GALNT2: variants seen among roughly 807,000 people sequenced by gnomAD.
The protein encoded by GALNT2 is polypeptide N-acetylgalactosaminyltransferase 2, also known as UDP-GalNAc:polypeptide N-acetylgalactosaminyltransferase 2.
A neutral mutation model predicts 81.4 loss-of-function variants in GALNT2; 31 were observed. The ratio of observed to expected loss-of-function variants is 0.38; its 90% CI spans 0.29 to 0.51. The LOEUF is 0.51. Among genes scored for constraint, GALNT2 ranks in the 20% least tolerant of loss-of-function variants. The pLI is 0.87. For synonymous variants in GALNT2, 303 were observed against 287.4 expected (o/e 1.05, Z -0.55); for missense variants, 629 against 765.7 (o/e 0.82, Z 2.11).
intron 1 of GALNT2, among the ~76,000 whole-genome samples, chr1:230,149,642 C>T (rs2102833889): frequency 6.6e-6 from 1 of 152,226 alleles, no homozygotes; most frequent in South Asian, 2.1e-4. Flanking sequence ...CACAGTGTTA[C>T]CTAGGTGGGC....
In GALNT2 at chr1:230,275,490, TACAC is replaced by T. The variant is rs570786420; in HGVS notation, c.1560+935_1560+938del. ...TACAAACACCACATATATATACATATACACACACACACCACAGATACATACATAT... is the reference window on the plus strand; with the variant it reads ...TACAAACACCACATATATATACATATACACACACCACAGATACATACATAT... On this transcript the variant is annotated intron_variant, in intron 15 of 15. Coordinates refer to ENST00000366672, the MANE Select transcript of GALNT2 (RefSeq NM_004481.5). This position sits in a 1 kb window ranked among gnomAD's most constrained non-coding sequence, Gnocchi z 5.5. Among the ~76,000 whole-genome samples, 11 of 150,538 alleles carry T rather than the reference TACAC, an allele frequency of 7.3e-5. No homozygotes were observed. The highest frequency in any genetic ancestry group is 1.9e-4 in the East Asian group (1 of 5,166).
At position 230,279,571 on chromosome 1, in the gene GALNT2, T is replaced by G; in HGVS notation, c.*113T>G. 7.7e-7 allele frequency: 1 copy of G among 1,304,480 alleles called. No homozygotes were observed. The highest frequency in any genetic ancestry group is 1.0e-6 in the Non-Finnish European group (1 of 961,436). The allele number at this position is 1,304,480 out of a possible 1,614,324, so 80.8% of individuals were successfully genotyped here. The stretch of plus-strand genomic sequence containing the variant: ...CCGCGAAACTAATATACCTCAGTAT[T>G]CCATCATGGTCTGAAAGTCAAACTT... On this transcript the variant is annotated 3_prime_UTR_variant, in exon 16 of 16. Coordinates refer to ENST00000366672, the MANE Select transcript of GALNT2 (RefSeq NM_004481.5). This position sits in a 1 kb window ranked among gnomAD's most constrained non-coding sequence, Gnocchi z 4.6.
chr1:230,267,277 G>A (rs1666062262), intron 14 of GALNT2, among the ~76,000 whole-genome samples: 1 of 152,230 alleles, frequency 6.6e-6, no homozygotes, highest in African/African-American at 2.4e-5. Context: ...AAAGGGATTA[G>A]AAGGCAAACA....
intron 6 of GALNT2, among the ~76,000 whole-genome samples, chr1:230,242,259 GA>G (rs1412678019): frequency 6.6e-6 from 1 of 152,144 alleles, no homozygotes; most frequent in African/African-American, 2.4e-5. Flanking sequence ...ATTTTGCTCA[GA>G]GTTTATAATT....
chr1:230,076,905 T>A (rs1364080415), intron 1 of GALNT2, among the ~76,000 whole-genome samples: 5 of 152,312 alleles, frequency 3.3e-5, no homozygotes, highest in African/African-American at 1.2e-4. Context: ...CCTCTCTGCG[T>A]CAGAGACCAG....
chr1:230,236,304 T>C, intron 4 of GALNT2, 49 bp from the exon 5 acceptor site: 1 of 1,578,348 alleles, frequency 6.3e-7, no homozygotes, highest in Non-Finnish European at 8.7e-7. Context: ...AGGCTAAAAG[T>C]TTATACCCCT....
At chr1:230,181,346 T>C (rs776539094) in intron 2 of GALNT2, among the ~76,000 whole-genome samples, 1 of 151,700 alleles carries the variant, frequency 6.6e-6, no homozygotes, top group Non-Finnish European at 1.5e-5. Context: ...TCTATTGATA[T>C]GATCATGTGA....
chr1:230,200,062 C>CTTTTTTTTT (rs34212427), intron 2 of GALNT2, among the ~76,000 whole-genome samples: 15 of 113,506 alleles, frequency 1.3e-4, no homozygotes, highest in Non-Finnish European at 1.9e-4. Context: ...TCTTTTTTTT[C>CTTTTTTTTT]TTTTTTTTTT....
intron 14 of GALNT2, among the ~76,000 whole-genome samples, chr1:230,265,918 G>A (rs1261771664): frequency 2.0e-5 from 3 of 152,226 alleles, no homozygotes; most frequent in African/African-American, 2.4e-5. Context: ...ACCGCCAGGC[G>A]CCGTGGCGCA....
At chr1:230,123,917 C>A (rs1312498122) in intron 1 of GALNT2, among the ~76,000 whole-genome samples, 1 of 152,170 alleles carries the variant, frequency 6.6e-6, no homozygotes, top group Non-Finnish European at 1.5e-5. Flanking sequence ...TGTCAGGGGA[C>A]TCTAAAAATG....
At chr1:230,197,890 G>A (rs770729766) in intron 2 of GALNT2, among the ~76,000 whole-genome samples, 5 of 152,096 alleles carry the variant, frequency 3.3e-5, no homozygotes, top group African/African-American at 4.8e-5. Context: ...CTGTTCCCCC[G>A]TGCTCCAGCC....
intron 1 of GALNT2, among the ~76,000 whole-genome samples, chr1:230,131,009 T>A (rs559589558): frequency 2.6e-5 from 4 of 152,218 alleles, no homozygotes; most frequent in African/African-American, 9.6e-5. Context: ...ATAAAAATTT[T>A]AAAAATTTAA....
intron 14 of GALNT2, among the ~76,000 whole-genome samples, chr1:230,272,836 A>T (rs1666190377): frequency 6.6e-6 from 1 of 152,118 alleles, no homozygotes; most frequent in South Asian, 2.1e-4. Context: ...TGGCACAATC[A>T]CAGTTCACTG....
intron 3 of GALNT2, among the ~76,000 whole-genome samples, chr1:230,207,196 T>A (rs1337180553): frequency 6.6e-6 from 1 of 151,898 alleles, no homozygotes; most frequent in South Asian, 2.1e-4. Flanking sequence ...GAGTGCCCAA[T>A]AAATCATGCA....
chr1:230,081,573 C>G (rs1294416880), intron 1 of GALNT2, among the ~76,000 whole-genome samples: 4 of 152,144 alleles, frequency 2.6e-5, no homozygotes, highest in Non-Finnish European at 5.9e-5. Flanking sequence ...TTTGAAACTG[C>G]AGATGAGTGA....
intron 13 of GALNT2, chr1:230,264,018 G>C (rs1300814905): frequency 1.3e-5 from 2 of 152,244 alleles, no homozygotes; most frequent in Non-Finnish European, 2.9e-5. Context: ...GAGAACAGGA[G>C]AGAACACAGC....
chr1:230,132,370 G>C (rs994275353), intron 1 of GALNT2, among the ~76,000 whole-genome samples: 4 of 152,310 alleles, frequency 2.6e-5, no homozygotes, highest in Non-Finnish European at 4.4e-5. Flanking sequence ...TTCTGTCCAG[G>C]GGCTTGGTGG....
chr1:230,242,919 A>G (rs1486162041), intron 6 of GALNT2, among the ~76,000 whole-genome samples: 2 of 152,194 alleles, frequency 1.3e-5, no homozygotes, highest in Non-Finnish European at 2.9e-5. Context: ...AATCAACACC[A>G]TTAGCACTGG....
chr1:230,227,577 A>C (rs1430251753), intron 3 of GALNT2, among the ~76,000 whole-genome samples: 20 of 150,990 alleles, frequency 1.3e-4, no homozygotes, highest in African/African-American at 4.8e-4. Flanking sequence ...ATATATATAT[A>C]CAAGAAGAGT....
Sources: allele counts gnomAD v4.1 joint callset (sites outside exome capture counted in the v4.1 genomes callset), GRCh38; gene constraint gnomAD v4.1.1; non-coding constraint Gnocchi (gnomAD v3.1); transcripts MANE v1.5; gene names NCBI Gene and HGNC (gene_info 2026-07-23, HGNC 2026-07-21).